DMD: variants seen among roughly 807,000 people sequenced by gnomAD.
DMD encodes the protein dystrophin, also known as mutant dystrophin.
In DMD, 63 loss-of-function variants were observed where a neutral mutation model predicts 330.1. The ratio of observed to expected loss-of-function variants is 0.19; its 90% CI spans 0.16 to 0.24. The LOEUF (loss-of-function observed/expected upper bound fraction) is 0.24. Among genes scored for constraint, DMD ranks in the 10% least tolerant of loss-of-function variants. DMD has a pLI of 1.00. For synonymous variants in DMD, 1,223 were observed against 959.8 expected, an observed-to-expected ratio of 1.27 and a Z score of -5.07; for missense variants, 3,344 against 2,684.1, an observed-to-expected ratio of 1.25 and a Z score of -5.43.
intron 51 of DMD, among the ~76,000 whole-genome samples, chrX:31,762,974 A>C (rs745565151): frequency 1.3e-3 from 145 of 112,618 alleles, no homozygotes; most frequent in African/African-American, 4.6e-3. Flanking sequence ...ATAGCTCTAT[A>C]AAATGTTGTC....
intron 2 of DMD, among the ~76,000 whole-genome samples, chrX:32,950,437 T>C (rs73621846): frequency 0.021 from 2,349 of 110,883 alleles, 67 homozygotes; most frequent in African/African-American, 0.074. Flanking sequence ...CCTGTATGCT[T>C]AGGGAGATCA....
chrX:32,289,779 A>C (rs771127091), intron 42 of DMD, among the ~76,000 whole-genome samples: 12 of 111,370 alleles, frequency 1.1e-4, no homozygotes, highest in African/African-American at 3.9e-4. Context: ...AAATGGGAGA[A>C]ACCCTCAGTT....
chrX:33,090,414 A>C, intron 1 of DMD, among the ~76,000 whole-genome samples: 1 of 107,910 alleles, frequency 9.3e-6, no homozygotes, highest in Non-Finnish European at 1.9e-5. Context: ...TATATATTAT[A>C]TATAACTCGA....
chrX:32,978,769 G>A (rs899590538), intron 2 of DMD, among the ~76,000 whole-genome samples: 4 of 111,936 alleles, frequency 3.6e-5, no homozygotes, highest in African/African-American at 9.7e-5. Flanking sequence ...GCGCCCGGCC[G>A]TATGATCTTT....
chrX:31,437,430 C>T (rs2064612739), intron 60 of DMD, among the ~76,000 whole-genome samples: 1 of 111,570 alleles, frequency 9.0e-6, no homozygotes, highest in African/African-American at 3.3e-5. Context: ...AGGCCTCACC[C>T]GATACTAAAT....
Position 33,211,538 on chromosome X carries a change from A to G in DMD, c.-226T>C, listed in dbSNP as rs2051918197. 9.5e-7 allele frequency: 1 copy of G among 1,050,899 alleles called. No individual in the cohort carries two copies. Among genetic ancestry groups the G allele is most frequent in the African/African-American group, 1.9e-5 (1 of 52,586 alleles). 86.6% of individuals were successfully genotyped at this position (1,050,899 alleles called of 1,213,427 possible). A position where few individuals can be genotyped will look rare whatever the true frequency, so the allele number is the denominator to read the frequency against. ...TGATCCCAACACTGAGTGAGTCAAC[A>G]CAGTAACTGATGCCAGGATTCTGTA... On this transcript the variant is annotated 5_prime_UTR_variant, in exon 1 of 79. Transcript: ENST00000357033.
intron 77 of DMD, among the ~76,000 whole-genome samples, chrX:31,129,032 T>TG (rs1357336151): frequency 1.8e-5 from 2 of 111,134 alleles, no homozygotes; most frequent in Middle Eastern, 4.2e-3. Context: ...AGTGTCCATC[T>TG]GGCAATGTGA....
intron 59 of DMD, among the ~76,000 whole-genome samples, chrX:31,465,850 C>T (rs2066818973): frequency 8.9e-6 from 1 of 112,117 alleles, no homozygotes; most frequent in Non-Finnish European, 1.9e-5. Flanking sequence ...TATTTCTCCA[C>T]ATCTTCCCCA....
chrX:31,252,009 A>C (rs769161670), intron 63 of DMD, among the ~76,000 whole-genome samples: 90 of 112,216 alleles, frequency 8.0e-4, no homozygotes, highest in Non-Finnish European at 1.5e-3. Context: ...CAATTCAGAA[A>C]TATCTATTAT....
intron 61 of DMD, among the ~76,000 whole-genome samples, chrX:31,340,547 T>A (rs2057673170): frequency 8.9e-6 from 1 of 112,577 alleles, no homozygotes; most frequent in South Asian, 3.7e-4. Flanking sequence ...TATTTTATTT[T>A]GTAATATAGT....
At chrX:32,832,814 G>A (rs750116405) in intron 4 of DMD, among the ~76,000 whole-genome samples, 1 of 111,235 alleles carries the variant, frequency 9.0e-6, no homozygotes, top group South Asian at 3.7e-4. Context: ...TCATAAATAC[G>A]TCGATATATA....
At chrX:31,922,525 T>TGCGC (rs1557004122) in intron 47 of DMD, among the ~76,000 whole-genome samples, 1 of 106,361 alleles carries the variant, frequency 9.4e-6, no homozygotes, top group African/African-American at 3.4e-5. Context: ...TGTGTGTGTG[T>TGCGC]GCGCGCGCGT....
At chrX:33,131,582 T>C (rs1031628509) in intron 1 of DMD, among the ~76,000 whole-genome samples, 2 of 111,872 alleles carry the variant, frequency 1.8e-5, no homozygotes, top group Admixed American at 9.5e-5. Context: ...TTCTAGACCA[T>C]GCTCCTTCAA....
chrX:31,996,516 C>T (rs1464397792), intron 44 of DMD, among the ~76,000 whole-genome samples: 4 of 111,435 alleles, frequency 3.6e-5, no homozygotes, highest in Non-Finnish European at 7.5e-5. Context: ...CAACTGGGAA[C>T]AAAAACAGCC....
intron 30 of DMD, among the ~76,000 whole-genome samples, chrX:32,408,909 T>TATCTATCTATCC (rs1557338540): frequency 3.0e-5 from 3 of 100,385 alleles, no homozygotes; most frequent in African/African-American, 8.0e-5. Context: ...TCTATCTATC[T>TATCTATCTATCC]ATCCATCCAT....
intron 51 of DMD, among the ~76,000 whole-genome samples, chrX:31,756,489 C>T (rs1365200782): frequency 8.9e-6 from 1 of 112,046 alleles, no homozygotes; most frequent in South Asian, 3.6e-4. Flanking sequence ...CACACACACA[C>T]GCGCATGCAC....
intron 50 of DMD, among the ~76,000 whole-genome samples, chrX:31,809,183 G>A (rs2092387418): frequency 9.7e-6 from 1 of 103,417 alleles, no homozygotes; most frequent in Admixed American, 1.1e-4. Context: ...ATATATATGA[G>A]TTTATATATA....
intron 59 of DMD, among the ~76,000 whole-genome samples, chrX:31,450,924 G>A (rs1207632206): frequency 9.0e-6 from 1 of 111,336 alleles, no homozygotes. Context: ...CTCTGGAAAG[G>A]GGTGAAACCA....
chrX:31,605,280 C>T (rs1321121048), intron 55 of DMD, among the ~76,000 whole-genome samples: 3 of 111,571 alleles, frequency 2.7e-5, no homozygotes, highest in African/African-American at 9.8e-5. Flanking sequence ...TCCATCATTC[C>T]CACTACTTTG....
Sources: gnomAD v4.1 joint callset for allele counts (sites outside exome capture counted in the v4.1 genomes callset) on GRCh38, gnomAD v4.1.1 for gene constraint, MANE v1.5 for transcripts, NCBI Gene and HGNC (gene_info 2026-07-23, HGNC 2026-07-21) for gene names.